RGS9: variants seen among roughly 807,000 people sequenced by gnomAD.
The protein encoded by RGS9 is regulator of G protein signaling 9.
Under a neutral mutation model 102.0 loss-of-function variants are expected in RGS9, and 78 were observed. That is an observed-to-expected ratio of 0.76 (90% CI 0.64 to 0.92). The LOEUF (loss-of-function observed/expected upper bound fraction) is 0.92. RGS9 is among the 40% of genes least tolerant of loss of function. RGS9 has a pLI of 0.00. For missense variants in RGS9, 833 were observed against 866.1 expected, an observed-to-expected ratio of 0.96 and a Z score of 0.48; for synonymous variants, 353 against 318.6, an observed-to-expected ratio of 1.11 and a Z score of -1.15.
intron 8 of RGS9, among the ~76,000 whole-genome samples, chr17:65,176,108 C>T (rs1042810225): frequency 8.5e-5 from 13 of 152,176 alleles, no homozygotes; most frequent in Admixed American, 5.2e-4. Context: ...GTCACATGTG[C>T]TGAGCAATGG....
chr17:65,163,120 C>T (rs373967930), intron 7 of RGS9, 31 bp downstream of exon 7: 44 of 1,132,198 alleles, frequency 3.9e-5, no homozygotes, highest in Middle Eastern at 2.0e-4. Context: ...CTTGTCCTCT[C>T]GGTGTCTTTC....
chr17:65,223,269 C>A (rs549264092), intron 17 of RGS9, among the ~76,000 whole-genome samples: 1 of 152,176 alleles, frequency 6.6e-6, no homozygotes, highest in East Asian at 1.9e-4. Context: ...TATAATAACC[C>A]CATGGCCCTG....
intron 8 of RGS9, among the ~76,000 whole-genome samples, chr17:65,172,538 T>A (rs1911460286): frequency 6.6e-6 from 1 of 152,142 alleles, no homozygotes; most frequent in Non-Finnish European, 1.5e-5. Context: ...GAATGCTCCA[T>A]GTGCCATGGT....
Position 65,166,777 on chromosome 17 carries a change from A to T in RGS9, c.501-1423A>T, listed in dbSNP as rs369760550. Among the ~76,000 whole-genome samples, 2 of 152,210 alleles carry T rather than the reference A, an allele frequency of 1.3e-5. 1 individual carries two copies. The highest frequency in any genetic ancestry group is 3.9e-4 in the East Asian group (2 of 5,188). ...CAATGCCTCAGGCTGGTTGTGGCCC[A>T]TGCTCCTGAGGTCAGGGGCTAGTTA... On this transcript the variant is annotated intron_variant, in intron 7 of 18. Transcript: ENST00000262406.
Position 65,204,294 on chromosome 17 carries a change from T to C in RGS9, c.1196T>C (p.Met399Thr). ...GCACAAACCCACATTTACATGCTCA[T>C]GAAGAAGGTAGGTGGGTCCGTGCTG... ...DAAQTHIYML[M>T]KKDSYARYLK... Residue 399 changes from methionine (M) to threonine (T), a missense_variant, in exon 15 of 19, where the codon ATG (methionine) becomes ACG (threonine). Physicochemically the swap from Met to Thr is moderately conservative, Grantham distance 81 (BLOSUM62 -1). Coordinates refer to ENST00000262406, the MANE Select transcript of RGS9 (RefSeq NM_003835.4). 2 of 1,613,848 alleles carry C rather than the reference T, an allele frequency of 1.2e-6. No homozygotes were observed. The highest frequency in any genetic ancestry group is 1.7e-6 in the Non-Finnish European group (2 of 1,180,014).
intron 8 of RGS9, among the ~76,000 whole-genome samples, chr17:65,176,783 C>G (rs937592250): frequency 6.7e-6 from 1 of 148,480 alleles, no homozygotes; most frequent in African/African-American, 2.5e-5. Flanking sequence ...ATCTCTTCAC[C>G]TATCCATTCA....
At position 65,203,098 on chromosome 17, in the gene RGS9, T is replaced by C. The variant is rs138303364; in HGVS notation, c.1064+1018T>C. 1.1e-3 allele frequency among the ~76,000 whole-genome samples: 170 copies of C among 152,342 alleles called. No homozygotes were observed. In the East Asian group the frequency reaches 0.026, roughly 23 times the overall value. On this transcript the variant is annotated intron_variant, in intron 14 of 18. Coordinates refer to ENST00000262406, the MANE Select transcript of RGS9 (RefSeq NM_003835.4). ...GAGGACTTAGCCTCTGGACCCTGGATGTCCTTCCTGCAAATGAACTCAGAT... is the reference window on the plus strand; with the variant it reads ...GAGGACTTAGCCTCTGGACCCTGGACGTCCTTCCTGCAAATGAACTCAGAT...
At chr17:65,163,197 C>T in intron 7 of RGS9, 108 bp downstream of exon 7, 2 of 510,490 alleles carry the variant, frequency 3.9e-6, no homozygotes, top group South Asian at 2.9e-5. Flanking sequence ...TTTTTTGAGA[C>T]AGAGTCTTGC....
At chr17:65,169,250 C>T (rs779636436) in intron 8 of RGS9, among the ~76,000 whole-genome samples, 10 of 152,140 alleles carry the variant, frequency 6.6e-5, no homozygotes, top group South Asian at 2.1e-4. Context: ...CACTCTGTAG[C>T]GGCATGGGTT....
At chr17:65,183,659 A>G (rs1911986736) in intron 9 of RGS9, among the ~76,000 whole-genome samples, 1 of 151,560 alleles carries the variant, frequency 6.6e-6, no homozygotes, top group Non-Finnish European at 1.5e-5. Flanking sequence ...CTGACTTTAG[A>G]CCCCCTCTCT....
At position 65,218,386 on chromosome 17, in the gene RGS9, T is replaced by C. The variant is rs369830712; in HGVS notation, c.1408-6616T>C. ...CTTGTAAAGGGTTGATCCTTAAACA[T>C]CGCTAAATGAACACATCTCTGTCTT... On this transcript the variant is annotated intron_variant, in intron 17 of 18. Transcript: ENST00000262406. Among the ~76,000 whole-genome samples, 390 of 152,350 alleles carry C rather than the reference T, an allele frequency of 2.6e-3. 1 individual carries two copies. The highest frequency in any genetic ancestry group is 9.1e-3 in the African/African-American group (378 of 41,584).
intron 7 of RGS9, 76 bp downstream of exon 7, chr17:65,163,165 T>C: frequency 1.5e-6 from 1 of 687,784 alleles, no homozygotes; most frequent in Admixed American, 3.5e-5. Flanking sequence ...TTTTTATTTA[T>C]TTTATTTTTT....
chr17:65,225,306 G>C lies in RGS9; in HGVS notation c.1712G>C (p.Arg571Thr). 4 of 1,609,958 alleles carry C rather than the reference G, an allele frequency of 2.5e-6. No individual in the cohort carries two copies. The highest frequency in any genetic ancestry group is 3.4e-6 in the Non-Finnish European group (4 of 1,180,004). Residue 571 changes from arginine to threonine, a missense_variant, in exon 18 of 19, where the codon AGG (arginine) becomes ACG (threonine). By Grantham distance (71) the Arg-to-Thr change is moderately conservative. Transcript: ENST00000262406. The stretch of plus-strand genomic sequence containing the variant: ...ACCTCCTGGCCTCGCAGCCGGCCCA[G>C]GGCCCCTCCTAAGGCCCGCATGGCT... ...LDTSWPRSRPRAPPKARMALS... is the reference protein window; with the variant it reads ...LDTSWPRSRPTAPPKARMALS...
chr17:65,224,132 C>G (rs960377799), intron 17 of RGS9, among the ~76,000 whole-genome samples: 2 of 152,198 alleles, frequency 1.3e-5, no homozygotes, highest in African/African-American at 4.8e-5. Context: ...GCCCATGGGC[C>G]AGTGTGTTCC....
chr17:65,149,112 C>T (rs1339375607), intron 1 of RGS9, among the ~76,000 whole-genome samples: 1 of 149,896 alleles, frequency 6.7e-6, no homozygotes, highest in African/African-American at 2.5e-5. Context: ...TAGGCGCCCG[C>T]CACCATGCCC....
chr17:65,216,803 G>C (rs1913539593), intron 17 of RGS9, among the ~76,000 whole-genome samples: 1 of 152,166 alleles, frequency 6.6e-6, no homozygotes, highest in African/African-American at 2.4e-5. Context: ...CATCGAGTTT[G>C]CATTTTAGCT....
chr17:65,172,641 G>C (rs1186838728), intron 8 of RGS9, among the ~76,000 whole-genome samples: 3 of 152,198 alleles, frequency 2.0e-5, no homozygotes, highest in Non-Finnish European at 4.4e-5. Context: ...TTTGGATTAT[G>C]AGCCAAGACA....
At chr17:65,170,674 C>T (rs762317511) in intron 8 of RGS9, among the ~76,000 whole-genome samples, 9 of 152,170 alleles carry the variant, frequency 5.9e-5, no homozygotes, top group Non-Finnish European at 1.0e-4. Flanking sequence ...TGGGTTTACA[C>T]GTGCCTGGTC....
chr17:65,156,002 A>G (rs928599059), intron 2 of RGS9, among the ~76,000 whole-genome samples: 5 of 151,902 alleles, frequency 3.3e-5, no homozygotes, highest in African/African-American at 1.2e-4. Context: ...GTGACTCCAG[A>G]GTCCATATAT....
Sources: gnomAD v4.1 joint callset for allele counts (sites outside exome capture counted in the v4.1 genomes callset) on GRCh38, gnomAD v4.1.1 for gene constraint, MANE v1.5 for transcripts, NCBI Gene and HGNC (gene_info 2026-07-23, HGNC 2026-07-21) for gene names.